CBFB: variants seen among roughly 807,000 people sequenced by gnomAD.
CBFB encodes the protein core-binding factor subunit beta.
Under a neutral mutation model 30.4 loss-of-function variants are expected in CBFB, and 9 were observed. The ratio of observed to expected loss-of-function variants is 0.30; its 90% CI spans 0.18 to 0.52. The LOEUF (loss-of-function observed/expected upper bound fraction) is 0.52, where lower values mean the gene tolerates loss of function less well. Ranked by LOEUF, CBFB falls within the 20% of genes least tolerant of loss-of-function variation. The pLI, the probability that CBFB is intolerant of heterozygous loss-of-function variation, is 0.97. For synonymous variants in CBFB, 94 were observed against 84.0 expected, an observed-to-expected ratio of 1.12 and a Z score of -0.65; for missense variants, 170 against 244.0, an observed-to-expected ratio of 0.70 and a Z score of 2.02.
rs141501702 is a variant in CBFB, at chr16:67,075,552, A to ATG, written c.400-6647_400-6646dup. Among the ~76,000 whole-genome samples the ATG allele has an allele frequency of 1.6e-3, 244 of 150,358 alleles. 2 individuals are homozygous for ATG. The highest frequency in any genetic ancestry group is 5.3e-3 in the African/African-American group (217 of 40,958). On this transcript the variant is annotated intron_variant, in intron 4 of 5. Coordinates refer to ENST00000412916, the MANE Select transcript of CBFB (RefSeq NM_022845.3). ...AAATATGCAAGCTGCGCATGCATAT[A>ATG]TGTGTGTGTGTGTGTATATATATAT...
chr16:67,033,613 CTTT>C (rs1186367448), intron 2 of CBFB, among the ~76,000 whole-genome samples: 4 of 139,620 alleles, frequency 2.9e-5, no homozygotes, highest in Non-Finnish European at 4.7e-5. Context: ...CTTATCAATT[CTTT>C]TTTTTTTTTT....
chr16:67,057,932 A>G (rs538052097), intron 3 of CBFB, among the ~76,000 whole-genome samples: 1 of 152,326 alleles, frequency 6.6e-6, no homozygotes, highest in South Asian at 2.1e-4. Flanking sequence ...CTGAAAGGGC[A>G]AAAAATTACT....
At chr16:67,071,029 C>T (rs752115898) in intron 4 of CBFB, among the ~76,000 whole-genome samples, 1 of 152,076 alleles carries the variant, frequency 6.6e-6, no homozygotes, top group Non-Finnish European at 1.5e-5. Flanking sequence ...AATGGAGTTA[C>T]ATAACTCTTA....
chr16:67,050,215 TTATATATCACATATTTATATGTAA>T (rs1175921371), intron 3 of CBFB, among the ~76,000 whole-genome samples: 2 of 147,814 alleles, frequency 1.4e-5, no homozygotes, highest in African/African-American at 4.9e-5. Context: ...TATATATAAT[TTATATATCACATATTTATATGTAA>T]TATATATCAC....
chr16:67,097,594 C>CT (rs1336918696), intron 5 of CBFB, among the ~76,000 whole-genome samples: 3 of 150,660 alleles, frequency 2.0e-5, no homozygotes, highest in Non-Finnish European at 4.4e-5. Flanking sequence ...ACCCAGGACT[C>CT]TAATTTTATA....
intron 2 of CBFB, 34 bp downstream of exon 2, chr16:67,029,847 C>G (rs747206129): frequency 1.3e-6 from 2 of 1,524,730 alleles, no homozygotes; most frequent in Admixed American, 3.8e-5. Context: ...GCGCGGGTCA[C>G]TTGTTGCGCG....
intron 5 of CBFB, among the ~76,000 whole-genome samples, chr16:67,086,243 A>G (rs1961729241): frequency 6.6e-6 from 1 of 152,162 alleles, no homozygotes. Flanking sequence ...TACATTTGTT[A>G]CATTTCTGAA....
At chr16:67,080,389 A>G (rs1961522458) in intron 4 of CBFB, among the ~76,000 whole-genome samples, 2 of 152,120 alleles carry the variant, frequency 1.3e-5, no homozygotes, top group Non-Finnish European at 2.9e-5. Flanking sequence ...AAAAATATAT[A>G]GGACATCAAG....
In CBFB at chr16:67,053,394, C is replaced by T. The variant is rs530052591; in HGVS notation, c.283-13288C>T. On this transcript the variant is annotated intron_variant, in intron 3 of 5. Coordinates refer to ENST00000412916, the MANE Select transcript of CBFB (RefSeq NM_022845.3). ...TCAGCCTCCCGAGTAGCTGGGACTA[C>T]GGGCCCCCTCACCACCACACCTGGC... 3.8e-4 allele frequency among the ~76,000 whole-genome samples: 57 copies of T among 151,460 alleles called. 1 individual carries two copies. Among genetic ancestry groups the T allele is most frequent in the Non-Finnish European group, 6.8e-4 (46 of 67,918 alleles).
intron 3 of CBFB, among the ~76,000 whole-genome samples, chr16:67,052,714 C>T (rs1476049177): frequency 6.6e-6 from 1 of 152,128 alleles, no homozygotes; most frequent in Non-Finnish European, 1.5e-5. Flanking sequence ...ATAATTGCAG[C>T]ACTTTCAGAG....
intron 5 of CBFB, among the ~76,000 whole-genome samples, chr16:67,089,810 A>T (rs770347911): frequency 5.3e-5 from 8 of 152,134 alleles, no homozygotes; most frequent in Non-Finnish European, 8.8e-5. Flanking sequence ...AAAGTTGCTT[A>T]TTCTCATTGA....
intron 4 of CBFB, among the ~76,000 whole-genome samples, chr16:67,068,234 T>C (rs1339817749): frequency 2.0e-5 from 3 of 152,138 alleles, no homozygotes; most frequent in Admixed American, 6.5e-5. Context: ...ATCCCAGCAT[T>C]TGGGGAGGCC....
intron 5 of CBFB, among the ~76,000 whole-genome samples, chr16:67,086,549 TC>T (rs1961736488): frequency 6.6e-6 from 1 of 152,250 alleles, no homozygotes; most frequent in African/African-American, 2.4e-5. Context: ...GCTTAGTTGT[TC>T]ATTGGATATC....
At chr16:67,047,242 A>T (rs1966643038) in intron 3 of CBFB, among the ~76,000 whole-genome samples, 1 of 152,074 alleles carries the variant, frequency 6.6e-6, no homozygotes, top group South Asian at 2.1e-4. Context: ...ATAAATAAAT[A>T]CCATTTGAAA....
intron 5 of CBFB, among the ~76,000 whole-genome samples, chr16:67,092,590 T>C (rs1463736023): frequency 6.6e-6 from 1 of 152,170 alleles, no homozygotes; most frequent in East Asian, 1.9e-4. Flanking sequence ...TCTATAATTC[T>C]GTATTCAGAA....
At chr16:67,090,921 G>C (rs925785641) in intron 5 of CBFB, among the ~76,000 whole-genome samples, 3 of 152,052 alleles carry the variant, frequency 2.0e-5, no homozygotes, top group Admixed American at 6.6e-5. Context: ...AATTCTGTGT[G>C]GTCCAAGAAA....
At position 67,029,294 on chromosome 16, in the gene CBFB, A is replaced by C. The variant is rs1383485504; in HGVS notation, c.-114A>C. On this transcript the variant is annotated 5_prime_UTR_variant, in exon 1 of 6. Coordinates refer to ENST00000412916, the MANE Select transcript of CBFB (RefSeq NM_022845.3). The stretch of plus-strand genomic sequence containing the variant: ...GCGGGCGGGCGCCTGAAACAAAGGG[A>C]AGCGGGCGTCCGGGCGCCGCGGGTG... The C allele has an allele frequency of 1.6e-6, 1 of 619,292 alleles. No individual in the cohort carries two copies. Among genetic ancestry groups the C allele is most frequent in the Non-Finnish European group, 2.3e-6 (1 of 428,120 alleles). 38.4% of individuals were successfully genotyped at this position (619,292 alleles called of 1,614,324 possible). A position where few individuals can be genotyped will look rare whatever the true frequency, so the allele number is the denominator to read the frequency against.
At chr16:67,036,517 A>T in intron 2 of CBFB, 122 bp from the exon 3 acceptor site, 10 of 595,722 alleles carry the variant, frequency 1.7e-5, no homozygotes, top group Non-Finnish European at 2.8e-5. Context: ...GTTTTTTTTT[A>T]CTTTTAAGTA....
At chr16:67,029,683 C>T (rs773710549) in intron 1 of CBFB, 44 bp from the exon 2 acceptor site, 3 of 1,524,024 alleles carry the variant, frequency 2.0e-6, no homozygotes, top group Non-Finnish European at 2.7e-6. Flanking sequence ...GCGCGGGCGG[C>T]GCCGCGGATT....
Sources: allele counts gnomAD v4.1 joint callset (sites outside exome capture counted in the v4.1 genomes callset), GRCh38; gene constraint gnomAD v4.1.1; transcripts MANE v1.5; gene names NCBI Gene and HGNC (gene_info 2026-07-23, HGNC 2026-07-21).